Variants in IGF2BP3 observed in about 807,000 individuals in gnomAD.
IGF2BP3 encodes insulin-like growth factor 2 mRNA-binding protein 3.
Under a neutral mutation model 73.8 loss-of-function variants are expected in IGF2BP3, and 9 were observed. The observed-to-expected ratio is 0.12, with a 90% CI of 0.07 to 0.21. IGF2BP3 has a LOEUF of 0.21. IGF2BP3 is among the 10% of genes least tolerant of loss of function. The probability of loss-of-function intolerance (pLI) is 1.00; values close to 1 mark genes in which losing one functional copy is unlikely to be tolerated. For missense variants in IGF2BP3, 542 were observed against 714.0 expected (o/e 0.76, Z 2.75); for synonymous variants, 258 against 256.7 (o/e 1.01, Z -0.05).
At chr7:23,409,565 A>G (rs542526499) in intron 3 of IGF2BP3, among the ~76,000 whole-genome samples, 7 of 152,366 alleles carry the variant, frequency 4.6e-5, no homozygotes, top group African/African-American at 1.7e-4. Flanking sequence ...ATGGGATAAA[A>G]GAGTCCAGAA....
At chr7:23,355,617 T>C (rs1785077217) in intron 5 of IGF2BP3, among the ~76,000 whole-genome samples, 1 of 152,080 alleles carries the variant, frequency 6.6e-6, no homozygotes, top group South Asian at 2.1e-4. Context: ...TGCCAGTTGG[T>C]AGAATTTAAA....
At position 23,315,780 on chromosome 7, in the gene IGF2BP3, C is replaced by G. The variant is rs531795770; in HGVS notation, c.1395+1859G>C. On this transcript the variant is annotated intron_variant, in intron 12 of 14. Coordinates refer to ENST00000258729, the MANE Select transcript of IGF2BP3 (RefSeq NM_006547.3). ...GCTCTTGAATTTGTAAGGAAAAATA[C>G]GGGGTAGGTGGTTTACCATTCCTTA... Among the ~76,000 whole-genome samples, 14 of 152,232 alleles carry G rather than the reference C, an allele frequency of 9.2e-5. No homozygotes were observed. In the East Asian group the frequency reaches 2.7e-3, roughly 29 times the overall value.
intron 2 of IGF2BP3, among the ~76,000 whole-genome samples, chr7:23,455,160 C>A (rs1201039836): frequency 1.3e-5 from 2 of 152,188 alleles, no homozygotes; most frequent in Non-Finnish European, 2.9e-5. Context: ...ATGGCATGAA[C>A]TAAACTACTT....
In IGF2BP3 at chr7:23,311,300, G is replaced by C. The variant is rs1161635844; in HGVS notation, c.*1062C>G. 6.6e-6 allele frequency: 1 copy of C among 152,484 alleles called. No homozygotes were observed. Among genetic ancestry groups the C allele is most frequent in the Non-Finnish European group, 1.5e-5 (1 of 68,016 alleles). The allele number at this position is 152,484 out of a possible 1,614,324, so 9.4% of individuals were successfully genotyped here. ...CATCCTATAAGACAAGCTAAAGCTT[G>C]CTTTTTGCCAGTCAGTTGAAAGTCT... On this transcript the variant is annotated 3_prime_UTR_variant, in exon 15 of 15. Transcript: ENST00000258729.
intron 11 of IGF2BP3, among the ~76,000 whole-genome samples, chr7:23,318,416 G>A (rs58704250): frequency 0.018 from 2,787 of 151,916 alleles, 82 homozygotes; most frequent in African/African-American, 0.064. Flanking sequence ...GTAGAGATGG[G>A]GTCTCACCAT....
chr7:23,364,306 G>A (rs538954379), intron 3 of IGF2BP3, among the ~76,000 whole-genome samples: 3 of 152,054 alleles, frequency 2.0e-5, no homozygotes, highest in South Asian at 2.1e-4. Context: ...CCCAGGAGGC[G>A]GAGGTTGCAG....
intron 3 of IGF2BP3, among the ~76,000 whole-genome samples, chr7:23,363,133 T>C (rs990192703): frequency 4.6e-5 from 7 of 152,230 alleles, no homozygotes; most frequent in South Asian, 2.1e-4. Flanking sequence ...TTTATGGTAA[T>C]TTACTACTAA....
chr7:23,389,019 G>T (rs1786182389), intron 3 of IGF2BP3, among the ~76,000 whole-genome samples: 1 of 152,124 alleles, frequency 6.6e-6, no homozygotes, highest in Non-Finnish European at 1.5e-5. Context: ...ATGTGTATAT[G>T]TATGTTAAAA....
rs531126458 is a variant in IGF2BP3, at chr7:23,323,829, A to G, written c.1204-4575T>C. Among the ~76,000 whole-genome samples the G allele has an allele frequency of 3.3e-5, 5 of 152,242 alleles. No homozygotes were observed. In the East Asian group the frequency reaches 7.7e-4, roughly 23 times the overall value. ...CTGCTCCTGAATGACTACTGGGTAC[A>G]TAACGAAATTAAGGCAGAAATAAAG... is the stretch of plus-strand genomic sequence containing the variant. On this transcript the variant is annotated intron_variant, in intron 10 of 14. Transcript: ENST00000258729.
intron 3 of IGF2BP3, among the ~76,000 whole-genome samples, chr7:23,395,033 GCTTA>G (rs1562724189): frequency 6.6e-6 from 1 of 152,156 alleles, no homozygotes; most frequent in South Asian, 2.1e-4. Flanking sequence ...GCTCAGAGGA[GCTTA>G]GCATTAATCC....
intron 2 of IGF2BP3, among the ~76,000 whole-genome samples, chr7:23,441,575 A>T (rs1279574139): frequency 2.4e-5 from 1 of 41,248 alleles, no homozygotes; most frequent in Non-Finnish European, 5.9e-5. Context: ...TCCATCTCTT[A>T]AAAAAAAAAA....
intron 2 of IGF2BP3, among the ~76,000 whole-genome samples, chr7:23,422,584 A>G (rs1228945244): frequency 6.6e-6 from 1 of 152,192 alleles, no homozygotes; most frequent in Non-Finnish European, 1.5e-5. Flanking sequence ...TCCATTTGCC[A>G]TGTTTTCCCA....
At chr7:23,357,973 T>G (rs1011276703) in intron 5 of IGF2BP3, among the ~76,000 whole-genome samples, 1 of 152,222 alleles carries the variant, frequency 6.6e-6, no homozygotes, top group Non-Finnish European at 1.5e-5. Flanking sequence ...GGAAATGAAG[T>G]ATACCAAACA....
At chr7:23,333,949 T>C (rs911352054) in intron 10 of IGF2BP3, among the ~76,000 whole-genome samples, 5 of 152,220 alleles carry the variant, frequency 3.3e-5, no homozygotes, top group Non-Finnish European at 5.9e-5. Flanking sequence ...AATTTTCCTC[T>C]GGGAATGTAA....
rs141882109 is a variant in IGF2BP3, at chr7:23,392,433, C to CATATATATAT, written c.285+26333_285+26342dup. 1.7e-3 allele frequency among the ~76,000 whole-genome samples: 237 copies of CATATATATAT among 141,924 alleles called. 4 individuals carry two copies. The East Asian group carries it at 0.037, about 22-fold the overall frequency. 93.1% of individuals were successfully genotyped at this position (141,924 alleles called of 152,430 possible). A position where few individuals can be genotyped will look rare whatever the true frequency, so the allele number is the denominator to read the frequency against. On this transcript the variant is annotated intron_variant, in intron 3 of 14. Coordinates refer to ENST00000258729, the MANE Select transcript of IGF2BP3 (RefSeq NM_006547.3). ...AAAAAAGACAAGGACAGCTTATCAT[C>CATATATATAT]ATATATATATATATATATACACACA...
intron 3 of IGF2BP3, among the ~76,000 whole-genome samples, chr7:23,380,735 A>C (rs1785884278): frequency 6.6e-6 from 1 of 152,184 alleles, no homozygotes. Context: ...TTTAAGAGGG[A>C]AATTTGGACG....
intron 2 of IGF2BP3, among the ~76,000 whole-genome samples, chr7:23,451,704 C>T (rs1200467116): frequency 6.6e-6 from 1 of 151,890 alleles, no homozygotes; most frequent in Non-Finnish European, 1.5e-5. Flanking sequence ...TTCACAACAC[C>T]TTGGGAGGCC....
intron 3 of IGF2BP3, among the ~76,000 whole-genome samples, chr7:23,366,988 C>CTTTT (rs397942338): frequency 5.2e-5 from 6 of 116,164 alleles, no homozygotes; most frequent in African/African-American, 9.9e-5. Flanking sequence ...TCACATTTTG[C>CTTTT]TTTTTTTTTT....
intron 2 of IGF2BP3, among the ~76,000 whole-genome samples, chr7:23,432,436 A>C (rs1787706815): frequency 6.6e-6 from 1 of 152,176 alleles, no homozygotes; most frequent in Non-Finnish European, 1.5e-5. Context: ...ATACAGGCAC[A>C]CATCATCACA....
Sources: allele counts gnomAD v4.1 joint callset (sites outside exome capture counted in the v4.1 genomes callset), GRCh38; gene constraint gnomAD v4.1.1; transcripts MANE v1.5; gene names NCBI Gene and HGNC (gene_info 2026-07-23, HGNC 2026-07-21).